PKIA: variants seen among roughly 807,000 people sequenced by gnomAD.
PKIA encodes PKI-alpha.
In PKIA, 4 loss-of-function variants were observed where a neutral mutation model predicts 7.6. The ratio of observed to expected loss-of-function variants is 0.52; its 90% CI spans 0.26 to 1.20. PKIA has a LOEUF of 1.20. PKIA is among the 50% of genes most tolerant of loss of function. PKIA has a pLI of 0.13. For missense variants in PKIA, 73 were observed against 86.2 expected (o/e 0.85, Z 0.61); for synonymous variants, 21 against 30.7 (o/e 0.68, Z 1.04).
intron 1 of PKIA, among the ~76,000 whole-genome samples, chr8:78,520,989 T>C (rs1201385214): frequency 3.3e-5 from 5 of 152,046 alleles, no homozygotes; most frequent in Non-Finnish European, 1.5e-5. Flanking sequence ...AGCTGATGAC[T>C]AGGAAGCAAG....
intron 1 of PKIA, among the ~76,000 whole-genome samples, chr8:78,549,726 CAA>C (rs10708020): frequency 0.05 from 6,119 of 123,132 alleles, 164 homozygotes; most frequent in African/African-American, 0.073. Context: ...ACTGAAATAC[CAA>C]AAAAAAAAAA....
At chr8:78,529,582 T>C (rs1806344044) in intron 1 of PKIA, among the ~76,000 whole-genome samples, 1 of 152,062 alleles carries the variant, frequency 6.6e-6, no homozygotes, top group African/African-American at 2.4e-5. Flanking sequence ...GTCTGAAATA[T>C]ATGAAATGAT....
At chr8:78,559,248 C>G (rs573761651) in intron 1 of PKIA, among the ~76,000 whole-genome samples, 1 of 152,224 alleles carries the variant, frequency 6.6e-6, no homozygotes, top group East Asian at 1.9e-4. Context: ...AAAGTTAAAT[C>G]TCACATATAT....
chr8:78,580,888 G>T (rs991870080), intron 2 of PKIA, among the ~76,000 whole-genome samples: 1 of 151,996 alleles, frequency 6.6e-6, no homozygotes, highest in Non-Finnish European at 1.5e-5. Flanking sequence ...AGCAAATATA[G>T]AATTAAACAT....
rs886348511 is a variant in PKIA at position 78,603,323 on chromosome 8, A to T, written c.*1502A>T. On this transcript the variant is annotated 3_prime_UTR_variant, in exon 4 of 4. Transcript: ENST00000396418. ...AGGGCTTAGATACCTTGCCACGTGA[A>T]GTAGGTAGAGCAGCATTTCAATAGG... 3 of 152,304 alleles carry T rather than the reference A, an allele frequency of 2.0e-5. No homozygotes were observed. Among genetic ancestry groups the T allele is most frequent in the Non-Finnish European group, 2.9e-5 (2 of 67,940 alleles). 9.4% of individuals were successfully genotyped at this position (152,304 alleles called of 1,614,324 possible). A position where few individuals can be genotyped will look rare whatever the true frequency, so the allele number is the denominator to read the frequency against.
intron 1 of PKIA, among the ~76,000 whole-genome samples, chr8:78,524,607 T>C (rs549180592): frequency 3.9e-5 from 6 of 152,004 alleles, no homozygotes; most frequent in African/African-American, 1.2e-4. Context: ...TCTCCATTGA[T>C]AAAAGTTGGC....
chr8:78,584,530 A>G (rs1807902818), intron 2 of PKIA, among the ~76,000 whole-genome samples: 1 of 152,144 alleles, frequency 6.6e-6, no homozygotes, highest in African/African-American at 2.4e-5. Context: ...ATGAAAGCCT[A>G]GAAGATAAGC....
intron 1 of PKIA, among the ~76,000 whole-genome samples, chr8:78,554,501 A>G (rs1170174538): frequency 3.3e-5 from 5 of 152,042 alleles, no homozygotes; most frequent in South Asian, 2.1e-4. Context: ...GGCCTTGCAC[A>G]TTTAGTTAAA....
At chr8:78,599,480 G>A (rs78057393) in intron 3 of PKIA, among the ~76,000 whole-genome samples, 3,155 of 152,066 alleles carry the variant, frequency 0.021, 116 homozygotes, top group African/African-American at 0.073. Context: ...AAATGGCTCA[G>A]CAACATTACT....
intron 1 of PKIA, among the ~76,000 whole-genome samples, chr8:78,539,451 A>G (rs1806617239): frequency 6.6e-6 from 1 of 152,114 alleles, no homozygotes; most frequent in African/African-American, 2.4e-5. Flanking sequence ...TTGGGAATTG[A>G]TAAGTATATT....
At chr8:78,520,717 C>T (rs987190624) in intron 1 of PKIA, among the ~76,000 whole-genome samples, 1 of 152,176 alleles carries the variant, frequency 6.6e-6, no homozygotes, top group Non-Finnish European at 1.5e-5. Context: ...TTTGATAACT[C>T]AGTAAAGTCT....
chr8:78,566,322 A>G (rs1807411613), intron 1 of PKIA, among the ~76,000 whole-genome samples: 1 of 152,102 alleles, frequency 6.6e-6, no homozygotes, highest in South Asian at 2.1e-4. Context: ...GTTAAAAAGT[A>G]AGATGGTGAG....
At chr8:78,583,406 T>C (rs534864217) in intron 2 of PKIA, among the ~76,000 whole-genome samples, 112 of 152,270 alleles carry the variant, frequency 7.4e-4, no homozygotes, top group Non-Finnish European at 1.5e-3. Context: ...TTGCAGTAAC[T>C]GCTTGTTTTC....
In PKIA at chr8:78,604,339, A is replaced by G. The variant is rs1386647477; in HGVS notation, c.*2518A>G. 6.6e-6 allele frequency: 1 copy of G among 152,006 alleles called. No individual in the cohort carries two copies. Among genetic ancestry groups the G allele is most frequent in the African/African-American group, 2.4e-5 (1 of 41,430 alleles). The allele number at this position is 152,006 out of a possible 1,614,324, so 9.4% of individuals were successfully genotyped here. On this transcript the variant is annotated 3_prime_UTR_variant, in exon 4 of 4. Transcript: ENST00000396418. ...GCACTCAATAAAATATAACCTTTAG[A>G]AGCTTAAAAAGCTAGTAAGTGATGA... is the stretch of plus-strand genomic sequence containing the variant.
intron 1 of PKIA, among the ~76,000 whole-genome samples, chr8:78,517,916 ACTGT>A (rs528425191): frequency 5.8e-4 from 89 of 152,340 alleles, no homozygotes; most frequent in African/African-American, 1.6e-3. Flanking sequence ...AATTACAGAG[ACTGT>A]CTGACTCAAC....
rs560397841 is a variant in PKIA, at chr8:78,579,146, T to C, written c.-28+6207T>C. Reference sequence around the variant, plus strand: ...AAAATCTGTCCTGGATCCCTCTACCTCTCACCGTCTTCACCCTACAGCAAG... The same window carrying C: ...AAAATCTGTCCTGGATCCCTCTACCCCTCACCGTCTTCACCCTACAGCAAG... On this transcript the variant is annotated intron_variant, in intron 2 of 3. Coordinates refer to ENST00000396418, the MANE Select transcript of PKIA (RefSeq NM_006823.4). Among the ~76,000 whole-genome samples the C allele has an allele frequency of 8.8e-4, 134 of 152,054 alleles. 1 individual carries two copies. Among genetic ancestry groups the C allele is most frequent in the African/African-American group, 3.1e-3 (129 of 41,512 alleles).
intron 1 of PKIA, among the ~76,000 whole-genome samples, chr8:78,553,173 G>A (rs540242043): frequency 1.3e-5 from 2 of 150,564 alleles, no homozygotes; most frequent in Non-Finnish European, 3.0e-5. Context: ...TTATACTCCA[G>A]TACCCGTAAA....
chr8:78,557,212 CAGA>C (rs1807161890), intron 1 of PKIA, among the ~76,000 whole-genome samples: 1 of 152,070 alleles, frequency 6.6e-6, no homozygotes, highest in South Asian at 2.1e-4. Context: ...GGCATTAAAA[CAGA>C]AGAAGAGTAG....
chr8:78,594,742 T>C (rs1808191018), intron 2 of PKIA, among the ~76,000 whole-genome samples: 1 of 151,806 alleles, frequency 6.6e-6, no homozygotes, highest in African/African-American at 2.4e-5. Flanking sequence ...GCATTAGAGG[T>C]GGAAGGAAAT....
Sources: gnomAD v4.1 joint callset for allele counts (sites outside exome capture counted in the v4.1 genomes callset) on GRCh38, gnomAD v4.1.1 for gene constraint, MANE v1.5 for transcripts, NCBI Gene and HGNC (gene_info 2026-07-23, HGNC 2026-07-21) for gene names.